The following ABCA13 variants were observed in gnomAD, a reference collection of about 807,000 sequenced individuals.
ABCA13 encodes ATP binding cassette subfamily A member 13.
Under a neutral mutation model 478.7 loss-of-function variants are expected in ABCA13, and 476 were observed. That is an observed-to-expected ratio of 0.99 (90% CI 0.92 to 1.07). The LOEUF (loss-of-function observed/expected upper bound fraction) is 1.07, where lower values mean the gene tolerates loss of function less well. ABCA13 is among the 50% of genes least tolerant of loss of function. The pLI is 0.00. For synonymous variants in ABCA13, 2,252 were observed against 2,158.9 expected (o/e 1.04, Z -1.20); for missense variants, 6,060 against 5,910.6 (o/e 1.03, Z -0.83).
chr7:48,508,556 G>C (rs1289797222), intron 50 of ABCA13, among the ~76,000 whole-genome samples: 2 of 152,052 alleles, frequency 1.3e-5, no homozygotes, highest in African/African-American at 4.8e-5. Context: ...GCTTTGTCTA[G>C]GTGTTCCCTA....
chr7:48,215,673 A>T (rs907543701), intron 3 of ABCA13, among the ~76,000 whole-genome samples: 5 of 152,208 alleles, frequency 3.3e-5, no homozygotes, highest in Non-Finnish European at 4.4e-5. Context: ...GAGCTGGGCA[A>T]CCATCATCAC....
intron 27 of ABCA13, among the ~76,000 whole-genome samples, chr7:48,317,901 A>G (rs1802827340): frequency 6.6e-6 from 1 of 152,112 alleles, no homozygotes; most frequent in Admixed American, 6.5e-5. Context: ...AGGATTTGTT[A>G]TTATTAATAT....
At position 48,418,071 on chromosome 7, in the gene ABCA13, TTATC is replaced by T. The variant is rs550636598; in HGVS notation, c.12459+5492_12459+5495del. ...AGTGGCTGAATGTACCATAGTCTAT[TTATC>T]TATTCATCTACTGAAAGACATCTTG... On this transcript the variant is annotated intron_variant, in intron 41 of 61. Coordinates refer to ENST00000435803, the MANE Select transcript of ABCA13 (RefSeq NM_152701.5). Among the ~76,000 whole-genome samples, 51 of 152,358 alleles carry T rather than the reference TTATC, an allele frequency of 3.3e-4. No individual in the cohort carries two copies. In the South Asian group the frequency reaches 5.0e-3, roughly 15 times the overall value.
chr7:48,173,719 C>T (rs1286642740), intron 1 of ABCA13, among the ~76,000 whole-genome samples: 1 of 152,234 alleles, frequency 6.6e-6, no homozygotes, highest in Non-Finnish European at 1.5e-5. Flanking sequence ...ACTGGGTTCA[C>T]ATCCCAGCTC....
chr7:48,538,026 T>A (rs543957941), intron 55 of ABCA13, among the ~76,000 whole-genome samples: 11 of 149,688 alleles, frequency 7.3e-5, no homozygotes, highest in Admixed American at 4.0e-4. Context: ...ATGATTTTAA[T>A]ATAGTATTTT....
At chr7:48,614,101 C>T (rs1335868725) in intron 58 of ABCA13, among the ~76,000 whole-genome samples, 1 of 149,474 alleles carries the variant, frequency 6.7e-6, no homozygotes, top group South Asian at 2.1e-4. Flanking sequence ...TTTTATATTA[C>T]ACTAATTTTC....
At chr7:48,380,222 C>T (rs1814131573) in intron 35 of ABCA13, among the ~76,000 whole-genome samples, 1 of 152,016 alleles carries the variant, frequency 6.6e-6, no homozygotes. Context: ...AGTTACTAAC[C>T]CTTATTAATA....
At chr7:48,514,692 G>A (rs1831977363) in intron 51 of ABCA13, among the ~76,000 whole-genome samples, 1 of 152,004 alleles carries the variant, frequency 6.6e-6, no homozygotes, top group Admixed American at 6.6e-5. Context: ...AAGGAAAGAG[G>A]GTAGGTGTGT....
At chr7:48,333,773 T>C (rs1805783155) in intron 27 of ABCA13, among the ~76,000 whole-genome samples, 1 of 152,122 alleles carries the variant, frequency 6.6e-6, no homozygotes, top group Non-Finnish European at 1.5e-5. Flanking sequence ...CCTCCAGCAG[T>C]TGGAGAAGAA....
At chr7:48,506,496 T>C in intron 49 of ABCA13, 106 bp downstream of exon 49, 5 of 1,273,780 alleles carry the variant, frequency 3.9e-6, no homozygotes, top group Non-Finnish European at 5.7e-6. Flanking sequence ...CCCCAAGAGA[T>C]GGCTTATAGA....
chr7:48,229,881 A>G lies in ABCA13; in HGVS notation c.689A>G (p.Gln230Arg). 6.2e-7 allele frequency: 1 copy of G among 1,614,000 alleles called. No individual in the cohort carries two copies. The highest frequency in any genetic ancestry group is 8.5e-7 in the Non-Finnish European group (1 of 1,179,886). The stretch of plus-strand genomic sequence containing the variant: ...CTTCCACTCAACCAAACTTTTTCCC[A>G]GGTTTCTGAACTTGTACTGAATGTG... ...DWLPLNQTFS[Q>R]VSELVLNVTI... is the part of the protein sequence containing the mutation. The change falls in exon 7 of 62, where the codon CAG becomes CGG. Residue 230 changes from glutamine (Q) to arginine (R), a missense_variant. Coordinates refer to ENST00000435803, the MANE Select transcript of ABCA13 (RefSeq NM_152701.5).
At chr7:48,398,807 G>T (rs1563187392) in intron 38 of ABCA13, among the ~76,000 whole-genome samples, 1 of 152,052 alleles carries the variant, frequency 6.6e-6, no homozygotes. Context: ...TTAGAAGAGG[G>T]GACAAAGCAT....
chr7:48,216,525 C>G (rs966029787), intron 3 of ABCA13, among the ~76,000 whole-genome samples: 2 of 151,998 alleles, frequency 1.3e-5, no homozygotes, highest in African/African-American at 4.8e-5. Flanking sequence ...CCACATCTTT[C>G]CCCCCCATTT....
At chr7:48,381,170 TG>T (rs1814311068) in intron 35 of ABCA13, among the ~76,000 whole-genome samples, 1 of 152,146 alleles carries the variant, frequency 6.6e-6, no homozygotes, top group Non-Finnish European at 1.5e-5. Context: ...TCTTGGGGTC[TG>T]TGAGTAACAA....
chr7:48,297,002 C>T (rs1336496329), intron 21 of ABCA13, among the ~76,000 whole-genome samples: 4 of 152,100 alleles, frequency 2.6e-5, no homozygotes, highest in Non-Finnish European at 5.9e-5. Flanking sequence ...TGGTTCATCT[C>T]GGTTGGCAGG....
At chr7:48,387,763 A>C in intron 35 of ABCA13, 59 bp from the exon 36 acceptor site, 1 of 1,316,172 alleles carries the variant, frequency 7.6e-7, no homozygotes, top group Non-Finnish European at 1.0e-6. Flanking sequence ...AAGATATTCT[A>C]ATACAGTACC....
At chr7:48,572,925 C>G (rs1787816685) in intron 55 of ABCA13, among the ~76,000 whole-genome samples, 1 of 152,032 alleles carries the variant, frequency 6.6e-6, no homozygotes, top group South Asian at 2.1e-4. Flanking sequence ...AATTTTTAGG[C>G]TTTCTATTTC....
intron 43 of ABCA13, among the ~76,000 whole-genome samples, chr7:48,462,298 G>C (rs1467496507): frequency 6.6e-6 from 1 of 152,190 alleles, no homozygotes; most frequent in Admixed American, 6.5e-5. Flanking sequence ...CTAAAGTCTG[G>C]GGAGTGATAT....
At chr7:48,332,405 G>A (rs568557272) in intron 27 of ABCA13, among the ~76,000 whole-genome samples, 1 of 152,348 alleles carries the variant, frequency 6.6e-6, no homozygotes, top group South Asian at 2.1e-4. Context: ...TTGGCATTGA[G>A]ATTTTACCAC....
Sources: allele counts gnomAD v4.1 joint callset (sites outside exome capture counted in the v4.1 genomes callset), GRCh38; gene constraint gnomAD v4.1.1; transcripts MANE v1.5; gene names NCBI Gene and HGNC (gene_info 2026-07-23, HGNC 2026-07-21).